Variants in FMNL3 observed in about 807,000 individuals in gnomAD.
The protein encoded by FMNL3 is formin-like protein 3.
A neutral mutation model predicts 119.6 loss-of-function variants in FMNL3; 57 were observed. The ratio of observed to expected loss-of-function variants is 0.48; its 90% CI spans 0.39 to 0.59. The LOEUF (loss-of-function observed/expected upper bound fraction) is 0.59. Among genes scored for constraint, FMNL3 ranks in the 20% least tolerant of loss-of-function variants. FMNL3 has a pLI of 0.00. For missense variants in FMNL3, 1,053 were observed against 1,323.5 expected, an observed-to-expected ratio of 0.80 and a Z score of 3.17; for synonymous variants, 491 against 507.3, an observed-to-expected ratio of 0.97 and a Z score of 0.43.
intron 25 of FMNL3, chr12:49,646,546 T>C (rs1365127942): frequency 2.5e-5 from 25 of 1,011,108 alleles, no homozygotes; most frequent in Non-Finnish European, 3.2e-5. Flanking sequence ...CAGAGGGTGA[T>C]TGCAAGTCAT....
chr12:49,660,382 T>A (rs1308713804), intron 5 of FMNL3, among the ~76,000 whole-genome samples: 2 of 152,212 alleles, frequency 1.3e-5, no homozygotes, highest in African/African-American at 4.8e-5. Flanking sequence ...ATGAGCTACA[T>A]TTTTTACTAT....
chr12:49,643,559 A>G lies in FMNL3; in HGVS notation c.*2256T>C. On this transcript the variant is annotated 3_prime_UTR_variant, in exon 26 of 26. Transcript: ENST00000335154. ...TACCTGCCCAAGCAAGAAGCTGGAG[A>G]AGGAAAACTGGACTTAGACTTCCTC... The G allele has an allele frequency of 2.9e-6, 4 of 1,358,552 alleles. No individual in the cohort carries two copies. Among genetic ancestry groups the G allele is most frequent in the Non-Finnish European group, 4.0e-6 (4 of 1,005,194 alleles). The allele number at this position is 1,358,552 out of a possible 1,614,324, so 84.2% of individuals were successfully genotyped here.
rs557254472 is a variant in FMNL3 at position 49,680,145 on chromosome 12, G to T, written c.127-11591C>A. On this transcript the variant is annotated intron_variant, in intron 1 of 25. Coordinates refer to ENST00000335154, the MANE Select transcript of FMNL3 (RefSeq NM_175736.5). ...AGATAGATACTCTGGGCTGCCCAAA[G>T]AGACAGCAGAGGCCATTTTGGGGGG... Among the ~76,000 whole-genome samples the T allele has an allele frequency of 3.5e-4, 53 of 152,360 alleles. 1 individual carries two copies. Among genetic ancestry groups the T allele is most frequent in the Admixed American group, 1.2e-3 (18 of 15,306 alleles).
intron 1 of FMNL3, chr12:49,688,762 G>C (rs1944530342): frequency 3.7e-6 from 1 of 267,640 alleles, no homozygotes; most frequent in African/African-American, 2.2e-5. Flanking sequence ...CCAAGTGCTT[G>C]GCCTGGATAA....
intron 1 of FMNL3, among the ~76,000 whole-genome samples, chr12:49,699,175 C>A (rs1944834957): frequency 6.6e-6 from 1 of 152,166 alleles, no homozygotes; most frequent in African/African-American, 2.4e-5. Context: ...ATGGAAGTGA[C>A]TGGTCTGGCA....
intron 1 of FMNL3, among the ~76,000 whole-genome samples, chr12:49,705,189 G>A (rs1357201069): frequency 2.0e-5 from 3 of 152,068 alleles, no homozygotes; most frequent in African/African-American, 7.2e-5. Flanking sequence ...CAGCAGCTCA[G>A]GCACACAGAA....
chr12:49,666,258 A>G, intron 2 of FMNL3, 51 bp from the exon 3 acceptor site: 1 of 1,510,578 alleles, frequency 6.6e-7, no homozygotes, highest in Non-Finnish European at 9.1e-7. Flanking sequence ...CAGAGACCTG[A>G]GGAGGGCACT....
At chr12:49,659,831 TCTC>T in intron 5 of FMNL3, 1 of 985,420 alleles carries the variant, frequency 1.0e-6, no homozygotes. Flanking sequence ...AAACAGTCCC[TCTC>T]CTCCTTCTTG....
chr12:49,664,635 T>C (rs980269003), intron 4 of FMNL3, among the ~76,000 whole-genome samples: 1 of 152,162 alleles, frequency 6.6e-6, no homozygotes, highest in Non-Finnish European at 1.5e-5. Context: ...GGCCACACCT[T>C]TCTCAGCAGC....
Position 49,656,895 on chromosome 12 carries a change from C to A in FMNL3, c.719G>T (p.Gly240Val), listed in dbSNP as rs1243169791. The A allele has an allele frequency of 6.2e-7, 1 of 1,613,866 alleles. No individual in the cohort carries two copies. Among genetic ancestry groups the A allele is most frequent in the Admixed American group, 1.7e-5 (1 of 60,012 alleles). ...GGGGTGGGACATGACCAGGTTGAAT[C>A]CGTACTGCAAGGGAAAGGACAGAAG... ...CLRAIMNYQY[G>V]FNLVMSHPHA... Residue 240 changes from glycine to valine, a missense_variant, in exon 8 of 26, where the codon GGA becomes GTA. By Grantham distance (109) the Gly-to-Val change is moderately radical. Transcript: ENST00000335154.
intron 1 of FMNL3, among the ~76,000 whole-genome samples, chr12:49,693,387 G>GTT (rs543275740): frequency 2.7e-5 from 4 of 147,882 alleles, no homozygotes; most frequent in East Asian, 2.0e-4. Context: ...ACTTTTTGTT[G>GTT]TTTTTTTTTT....
At position 49,686,578 on chromosome 12, in the gene FMNL3, CAAAAAAAAAAAAAA is replaced by C. The variant is rs746062262; in HGVS notation, c.127-18038_127-18025del. ...GGGCGACAGAGCGAGACTTCATCTC[CAAAAAAAAAAAAAA>C]AAAAAAAAGTATTGAGCACCTTTAT... is the stretch of plus-strand genomic sequence containing the variant. On this transcript the variant is annotated intron_variant, in intron 1 of 25. Transcript: ENST00000335154. Among the ~76,000 whole-genome samples, 2 of 61,902 alleles carry C rather than the reference CAAAAAAAAAAAAAA, an allele frequency of 3.2e-5. 1 individual carries two copies. The highest frequency in any genetic ancestry group is 9.9e-4 in the East Asian group (2 of 2,020). 40.6% of individuals were successfully genotyped at this position (61,902 alleles called of 152,430 possible).
At chr12:49,701,597 C>A (rs774344507) in intron 1 of FMNL3, among the ~76,000 whole-genome samples, 9 of 152,134 alleles carry the variant, frequency 5.9e-5, no homozygotes, top group Admixed American at 1.3e-4. Flanking sequence ...AACAAAGGTA[C>A]CTTCACTTGA....
In FMNL3 at chr12:49,707,049, T is replaced by A. The variant is rs1477368869; in HGVS notation, c.126+6A>T. ...CGCGGGGGAAGGGGCTGGGCTCAGC[T>A]CTCACCAGCACCAGGGCGAACCTTT... On this transcript the variant is annotated splice_donor_region_variant and intron_variant, in intron 1 of 25. Coordinates refer to ENST00000335154, the MANE Select transcript of FMNL3 (RefSeq NM_175736.5). 1 of 1,575,440 alleles carries A rather than the reference T, an allele frequency of 6.3e-7. No homozygotes were observed. The highest frequency in any genetic ancestry group is 1.3e-5 in the African/African-American group (1 of 74,330).
In FMNL3 at chr12:49,651,286, C is replaced by A. The variant is rs371568850; in HGVS notation, c.1679G>T (p.Arg560Leu). The A allele has an allele frequency of 2.5e-6, 4 of 1,611,696 alleles. No homozygotes were observed. The South Asian group carries it at 4.4e-5, about 18-fold the overall frequency. The change falls in exon 16 of 26, where the codon CGA becomes CTA. Residue 560 changes from arginine (R) to leucine (L), a missense_variant. By Grantham distance (102) the Arg-to-Leu change is moderately radical. Coordinates refer to ENST00000335154, the MANE Select transcript of FMNL3 (RefSeq NM_175736.5). ...CTTGGTCTTGATAGGTTTCTTAATT[C>A]GAATGGCTAATTTGGAAGGAGGATC... Reference protein sequence around the residue: ...VVLTVGLSAIRIKKPIKTKFR... With the variant: ...VVLTVGLSAILIKKPIKTKFR...
Position 49,636,735 on chromosome 12 carries a change from A to G in FMNL3, c.*9080T>C, listed in dbSNP as rs758085600. ...CTTTAGACATGGACAAGGAAGATGCACTGATCTGTTTTGAGGAGCACATCC... is the reference window on the plus strand; with the variant it reads ...CTTTAGACATGGACAAGGAAGATGCGCTGATCTGTTTTGAGGAGCACATCC... On this transcript the variant is annotated 3_prime_UTR_variant, in exon 26 of 26. Transcript: ENST00000335154. 3.1e-6 allele frequency: 5 copies of G among 1,614,188 alleles called. No individual in the cohort carries two copies. Among genetic ancestry groups the G allele is most frequent in the South Asian group, 1.1e-5 (1 of 91,084 alleles).
rs1280433267 is a variant in FMNL3 at position 49,695,711 on chromosome 12, CAG to C, written c.126+11342_126+11343del. ...ATGAGGGACTCTACTCAGAAAAAAA[CAG>C]AGTGTTGTCTTAAAGATTTTTTTTC... On this transcript the variant is annotated intron_variant, in intron 1 of 25. Coordinates refer to ENST00000335154, the MANE Select transcript of FMNL3 (RefSeq NM_175736.5). 9.9e-5 allele frequency among the ~76,000 whole-genome samples: 15 copies of C among 152,122 alleles called. No individual in the cohort carries two copies. The South Asian group carries it at 1.0e-3, about 11-fold the overall frequency.
At chr12:49,684,308 G>A (rs1204629626) in intron 1 of FMNL3, among the ~76,000 whole-genome samples, 1 of 152,112 alleles carries the variant, frequency 6.6e-6, no homozygotes, top group African/African-American at 2.4e-5. Context: ...GCCCTCCTGA[G>A]TGCTGATGTG....
rs200319664 is a variant in FMNL3 at position 49,642,685 on chromosome 12, G to T, written c.*3130C>A. The T allele has an allele frequency of 1.2e-6, 2 of 1,612,756 alleles. No individual in the cohort carries two copies. Among genetic ancestry groups the T allele is most frequent in the East Asian group, 2.2e-5 (1 of 44,836 alleles). On this transcript the variant is annotated 3_prime_UTR_variant, in exon 26 of 26. Transcript: ENST00000335154. The surrounding 1 kb of genome is among the most constrained non-coding windows in gnomAD (Gnocchi z 5.8). ...CCTACAGGTGCTGGAGGTGAGGCAG[G>T]CTTGTCCTCTGGATCTGCCTCAGGC...
Sources: gnomAD v4.1 joint callset for allele counts (sites outside exome capture counted in the v4.1 genomes callset) on GRCh38, gnomAD v4.1.1 for gene constraint, Gnocchi (gnomAD v3.1) non-coding constraint, MANE v1.5 for transcripts, NCBI Gene and HGNC (gene_info 2026-07-23, HGNC 2026-07-21) for gene names.